The following NUP54 variants were observed in gnomAD, a reference collection of about 807,000 sequenced individuals.
NUP54 encodes the protein nucleoporin 54.
In NUP54, 27 loss-of-function variants were observed where a neutral mutation model predicts 66.4. That is an observed-to-expected ratio of 0.41 (90% CI 0.30 to 0.56). The LOEUF (loss-of-function observed/expected upper bound fraction) is 0.56, where lower values mean the gene tolerates loss of function less well. Ranked by LOEUF, NUP54 falls within the 20% of genes least tolerant of loss-of-function variation. The pLI is 0.34. For missense variants in NUP54, 486 were observed against 596.3 expected (o/e 0.82, Z 1.93); for synonymous variants, 206 against 210.7 (o/e 0.98, Z 0.19).
chr4:76,115,482 G>A lies in NUP54; in HGVS notation c.1408C>T (p.Gln470Ter). 6.2e-7 allele frequency: 1 copy of A among 1,601,322 alleles called. No homozygotes were observed. Among genetic ancestry groups the A allele is most frequent in the Non-Finnish European group, 8.5e-7 (1 of 1,175,748 alleles). ...ATCAAATGGCTAAGGCCTTCCTGTT[G>A]TTGTTTCAAATGCTAGAACAAATTA... Reference protein sequence around the residue: ...LREIKQHLKQQQEGLSHLISI... With the variant: ...LREIKQHLKQ The change falls in exon 12 of 12, where the codon CAA becomes TAA. Residue 470 changes from glutamine (Q) to a stop codon, truncating the protein, a stop_gained. Coordinates refer to ENST00000264883, the MANE Select transcript of NUP54 (RefSeq NM_017426.4). LOFTEE classifies it high-confidence loss of function.
rs775109047 is a variant in NUP54, at chr4:76,129,966, G to GTTTT, written c.1056+686_1056+689dup. Among the ~76,000 whole-genome samples, 412 of 56,874 alleles carry GTTTT rather than the reference G, an allele frequency of 7.2e-3. 80 individuals are homozygous for GTTTT. Among genetic ancestry groups the GTTTT allele is most frequent in the Non-Finnish European group, 0.011 (350 of 33,180 alleles). The allele number at this position is 56,874 out of a possible 152,430, so 37.3% of individuals were successfully genotyped here. ...AATCTTTAAGTATTTAATTATGAAA[G>GTTTT]TTTTTTTTTTTTTTTTTTTTTTTTT... On this transcript the variant is annotated intron_variant, in intron 8 of 11. Transcript: ENST00000264883.
intron 8 of NUP54, among the ~76,000 whole-genome samples, chr4:76,127,469 A>C (rs1730594593): frequency 1.3e-5 from 2 of 148,760 alleles, no homozygotes; most frequent in African/African-American, 5.0e-5. Context: ...CCCACTATTT[A>C]GAGAAAAATA....
Position 76,124,630 on chromosome 4 carries a change from G to T in NUP54, c.1164+19C>A. On this transcript the variant is annotated intron_variant, in intron 9 of 11. Transcript: ENST00000264883. ...CACATAGTCTTATAAACACTGGGGG[G>T]GAAAATCCAAATTACTACCTGTAAA... 8.3e-7 allele frequency: 1 copy of T among 1,200,438 alleles called. No individual in the cohort carries two copies. Among genetic ancestry groups the T allele is most frequent in the Non-Finnish European group, 1.2e-6 (1 of 812,268 alleles). 74.4% of individuals were successfully genotyped at this position (1,200,438 alleles called of 1,614,324 possible).
At chr4:76,124,779 G>A (rs1205923156) in intron 8 of NUP54, 23 bp from the exon 9 acceptor site, 4 of 628,314 alleles carry the variant, frequency 6.4e-6, no homozygotes, top group East Asian at 4.8e-5. Flanking sequence ...AAATTGGGGG[G>A]GGGAGGGTTA....
At chr4:76,141,902 G>T (rs1327541421) in intron 3 of NUP54, among the ~76,000 whole-genome samples, 1 of 151,954 alleles carries the variant, frequency 6.6e-6, no homozygotes, top group Non-Finnish European at 1.5e-5. Flanking sequence ...AAACTGCACT[G>T]ATCTAGTTAT....
At position 76,131,265 on chromosome 4, in the gene NUP54, C is replaced by T; in HGVS notation, c.927G>A (p.Trp309Ter). ...NPPAGVDPII[W>*]EQAKVDNPDS... ...CAGGGTTATCTACCTTGGCCTGTTCCCAGATAATAGGATCAACACCTACCA... is the reference window on the plus strand; with the variant it reads ...CAGGGTTATCTACCTTGGCCTGTTCTCAGATAATAGGATCAACACCTACCA... The change falls in exon 7 of 12, where the codon TGG becomes TGA. Residue 309 changes from tryptophan to a stop codon, truncating the protein, a stop_gained. Transcript: ENST00000264883. LOFTEE classifies it high-confidence loss of function. The T allele has an allele frequency of 6.3e-7, 1 of 1,592,032 alleles. No individual in the cohort carries two copies. Among genetic ancestry groups the T allele is most frequent in the Non-Finnish European group, 8.6e-7 (1 of 1,166,078 alleles).
At chr4:76,142,840 G>A (rs921036395) in intron 3 of NUP54, among the ~76,000 whole-genome samples, 1 of 152,022 alleles carries the variant, frequency 6.6e-6, no homozygotes, top group African/African-American at 2.4e-5. Context: ...TAGTTTAAAG[G>A]CTGCAGTTTC....
chr4:76,133,713 A>G (rs1730914342), intron 5 of NUP54, among the ~76,000 whole-genome samples: 1 of 150,462 alleles, frequency 6.6e-6, no homozygotes, highest in East Asian at 2.1e-4. Flanking sequence ...CTCTGCAATT[A>G]CAACCACAAG....
intron 8 of NUP54, among the ~76,000 whole-genome samples, chr4:76,129,099 T>C (rs1730666610): frequency 6.6e-6 from 1 of 152,210 alleles, no homozygotes; most frequent in South Asian, 2.1e-4. Flanking sequence ...TACCAACAAA[T>C]GATAAATGTA....
chr4:76,117,207 A>T (rs1034494404), intron 11 of NUP54, among the ~76,000 whole-genome samples: 3 of 152,222 alleles, frequency 2.0e-5, no homozygotes, highest in African/African-American at 7.2e-5. Context: ...TTCATGAAGC[A>T]TAACTTCTTC....
chr4:76,125,577 G>A (rs1285088161), intron 8 of NUP54, among the ~76,000 whole-genome samples: 1 of 134,572 alleles, frequency 7.4e-6, no homozygotes, highest in Admixed American at 7.6e-5. Context: ...TGAGGTTGCA[G>A]TGAGCCGTGA....
rs1012961556 is a variant in NUP54 at position 76,121,543 on chromosome 4, G to C, written c.1164+3106C>G. On this transcript the variant is annotated intron_variant, in intron 9 of 11. Coordinates refer to ENST00000264883, the MANE Select transcript of NUP54 (RefSeq NM_017426.4). ...TCATAGGCACAATCATAGCTCACTAGAGCCTCAAACTCCTGGGCTCAGGTG... is the reference window on the plus strand; with the variant it reads ...TCATAGGCACAATCATAGCTCACTACAGCCTCAAACTCCTGGGCTCAGGTG... Among the ~76,000 whole-genome samples the C allele has an allele frequency of 5.3e-5, 8 of 152,268 alleles. No homozygotes were observed. In the East Asian group the frequency reaches 1.5e-3, roughly 29 times the overall value.
In NUP54 at chr4:76,131,084, C is replaced by G. The variant is rs1578680950; in HGVS notation, c.962+146G>C. On this transcript the variant is annotated intron_variant, in intron 7 of 11. Transcript: ENST00000264883. ...CTTTTTGTTTTGGCTGAAGCTTTAG[C>G]TGGACAATAATCAATATTTTTTAAA... The G allele has an allele frequency of 4.6e-6, 3 of 646,866 alleles. No homozygotes were observed. In the East Asian group the frequency reaches 8.7e-5, roughly 19 times the overall value. The allele number at this position is 646,866 out of a possible 1,614,324, so 40.1% of individuals were successfully genotyped here. A position where few individuals can be genotyped will look rare whatever the true frequency, so the allele number is the denominator to read the frequency against.
At chr4:76,124,623 C>CT (rs771292555) in intron 9 of NUP54, 26 bp downstream of exon 9, 2 of 1,019,376 alleles carry the variant, frequency 2.0e-6, no homozygotes, top group African/African-American at 3.2e-5. Flanking sequence ...CTTATAAACA[C>CT]TGGGGGGGAA....
chr4:76,145,317 C>CA (rs58518890), intron 1 of NUP54, among the ~76,000 whole-genome samples: 9,948 of 101,162 alleles, frequency 0.098, 483 homozygotes, highest in African/African-American at 0.13. Flanking sequence ...GACTCCGTCT[C>CA]AAAAAAAAAA....
At chr4:76,140,862 G>A (rs1731240318) in intron 3 of NUP54, among the ~76,000 whole-genome samples, 1 of 152,082 alleles carries the variant, frequency 6.6e-6, no homozygotes, top group South Asian at 2.1e-4. Flanking sequence ...AGGCAAATGT[G>A]ACACAAAAAC....
At chr4:76,145,892 T>C (rs1731477614) in intron 1 of NUP54, 1 of 277,922 alleles carries the variant, frequency 3.6e-6, no homozygotes, top group Non-Finnish European at 7.0e-6. Flanking sequence ...GTAAGCTGCA[T>C]GTTGCATGCA....
intron 9 of NUP54, among the ~76,000 whole-genome samples, chr4:76,118,727 G>A (rs143454383): frequency 0.015 from 2,350 of 151,666 alleles, 53 homozygotes; most frequent in African/African-American, 0.053. Flanking sequence ...TGGCTTGGCC[G>A]GGCGCGGTGG....
intron 3 of NUP54, among the ~76,000 whole-genome samples, chr4:76,138,555 G>A (rs1731132649): frequency 6.6e-6 from 1 of 152,146 alleles, no homozygotes; most frequent in Non-Finnish European, 1.5e-5. Context: ...AGGTAGACAA[G>A]GTGCATTAAA....
Sources: gnomAD v4.1 joint callset for allele counts (sites outside exome capture counted in the v4.1 genomes callset) on GRCh38, gnomAD v4.1.1 for gene constraint, MANE v1.5 for transcripts, NCBI Gene and HGNC (gene_info 2026-07-23, HGNC 2026-07-21) for gene names.